Variants in KCND3 observed in about 807,000 individuals in gnomAD.
KCND3 encodes the protein potassium voltage-gated channel subfamily D member 3.
A neutral mutation model predicts 51.1 loss-of-function variants in KCND3; 9 were observed. The ratio of observed to expected loss-of-function variants is 0.18; its 90% CI spans 0.11 to 0.31. The LOEUF (loss-of-function observed/expected upper bound fraction) is 0.31, where lower values mean the gene tolerates loss of function less well. Among genes scored for constraint, KCND3 ranks in the 10% least tolerant of loss-of-function variants. The pLI is 1.00. For synonymous variants in KCND3, 349 were observed against 368.0 expected (o/e 0.95, Z 0.59); for missense variants, 526 against 903.8 (o/e 0.58, Z 5.36).
chr1:111,892,259 G>T (rs1476627234), intron 2 of KCND3, among the ~76,000 whole-genome samples: 1 of 152,196 alleles, frequency 6.6e-6, no homozygotes, highest in East Asian at 1.9e-4. Context: ...TGTGCATGAA[G>T]CCTGCCTGGT....
At chr1:111,850,327 C>T (rs900243837) in intron 2 of KCND3, among the ~76,000 whole-genome samples, 3 of 152,160 alleles carry the variant, frequency 2.0e-5, no homozygotes, top group Admixed American at 6.5e-5. Context: ...AACAACCCGA[C>T]TGACAGCACC....
At chr1:111,781,234 AT>A (rs1664369339) in intron 3 of KCND3, among the ~76,000 whole-genome samples, 1 of 152,210 alleles carries the variant, frequency 6.6e-6, no homozygotes, top group African/African-American at 2.4e-5. Context: ...GTCCCCAAGT[AT>A]TAGTTAATTA....
chr1:111,978,334 C>G (rs948676373), intron 2 of KCND3, among the ~76,000 whole-genome samples: 1 of 152,170 alleles, frequency 6.6e-6, no homozygotes, highest in African/African-American at 2.4e-5. Context: ...GAAATAGGAA[C>G]TCAGGGAAGG....
intron 2 of KCND3, among the ~76,000 whole-genome samples, chr1:111,912,557 G>A (rs989191203): frequency 6.6e-6 from 1 of 152,200 alleles, no homozygotes; most frequent in Non-Finnish European, 1.5e-5. Flanking sequence ...TCCTTCAGAA[G>A]GTATTCATGA....
At chr1:111,824,647 T>C (rs1049779301) in intron 2 of KCND3, among the ~76,000 whole-genome samples, 1 of 152,132 alleles carries the variant, frequency 6.6e-6, no homozygotes. Context: ...CTTACATTTA[T>C]CTTATTTGAG....
chr1:111,793,239 G>A (rs1404786507), intron 2 of KCND3, among the ~76,000 whole-genome samples: 1 of 149,768 alleles, frequency 6.7e-6, no homozygotes, highest in African/African-American at 2.5e-5. Context: ...GCAGTGGTGC[G>A]ATCTCGGCTC....
intron 2 of KCND3, among the ~76,000 whole-genome samples, chr1:111,914,627 G>A (rs1671109226): frequency 6.6e-6 from 1 of 152,060 alleles, no homozygotes; most frequent in Non-Finnish European, 1.5e-5. Flanking sequence ...CTTAAGTACT[G>A]AAAAGGAAAA....
intron 2 of KCND3, among the ~76,000 whole-genome samples, chr1:111,960,209 C>G (rs908340464): frequency 1.3e-5 from 2 of 152,110 alleles, no homozygotes; most frequent in African/African-American, 4.8e-5. Flanking sequence ...CACCTTGGAC[C>G]AAAGCCCTCC....
chr1:111,870,052 C>A (rs771612611), intron 2 of KCND3, among the ~76,000 whole-genome samples: 1 of 152,166 alleles, frequency 6.6e-6, no homozygotes, highest in Non-Finnish European at 1.5e-5. Flanking sequence ...TACTGGCAGA[C>A]TAATAATAGG....
At chr1:111,945,542 AC>A (rs1229000953) in intron 2 of KCND3, among the ~76,000 whole-genome samples, 4 of 152,184 alleles carry the variant, frequency 2.6e-5, no homozygotes, top group Non-Finnish European at 1.5e-5. Flanking sequence ...ACTGAGGCTC[AC>A]GGGGGAGCTT....
intron 2 of KCND3, among the ~76,000 whole-genome samples, chr1:111,905,927 C>T (rs1183219941): frequency 1.3e-5 from 2 of 152,206 alleles, no homozygotes; most frequent in Admixed American, 6.5e-5. Flanking sequence ...CTGTATTTTA[C>T]AGATGAGGAC....
At chr1:111,806,518 G>A (rs1209106328) in intron 2 of KCND3, among the ~76,000 whole-genome samples, 1 of 152,058 alleles carries the variant, frequency 6.6e-6, no homozygotes, top group Non-Finnish European at 1.5e-5. Context: ...TCTGTAAATG[G>A]GAATATTTAT....
chr1:111,830,030 C>A (rs1225860007), intron 2 of KCND3, among the ~76,000 whole-genome samples: 2 of 152,164 alleles, frequency 1.3e-5, no homozygotes, highest in African/African-American at 4.8e-5. Context: ...ACTCTTCTCC[C>A]CTCCATCTAA....
chr1:111,878,329 A>G (rs1351689127), intron 2 of KCND3, among the ~76,000 whole-genome samples: 1 of 152,214 alleles, frequency 6.6e-6, no homozygotes, highest in Non-Finnish European at 1.5e-5. Context: ...TATGCCTAAT[A>G]AGACACGGGC....
At chr1:111,960,817 A>G (rs1054338210) in intron 2 of KCND3, among the ~76,000 whole-genome samples, 1 of 152,224 alleles carries the variant, frequency 6.6e-6, no homozygotes, top group African/African-American at 2.4e-5. Flanking sequence ...AGCTGTTTCC[A>G]GAGTGCTTCC....
intron 2 of KCND3, among the ~76,000 whole-genome samples, chr1:111,873,991 C>A (rs563477749): frequency 6.6e-6 from 1 of 152,218 alleles, no homozygotes; most frequent in African/African-American, 2.4e-5. Context: ...GGATTACACA[C>A]TGGGCGAGTC....
chr1:111,784,204 C>G (rs1664513739), intron 3 of KCND3, among the ~76,000 whole-genome samples: 1 of 151,644 alleles, frequency 6.6e-6, no homozygotes, highest in South Asian at 2.1e-4. Flanking sequence ...ATGTCCATAT[C>G]CTGGTGGTGA....
chr1:111,918,587 G>C (rs996282975), intron 2 of KCND3, among the ~76,000 whole-genome samples: 1 of 152,152 alleles, frequency 6.6e-6, no homozygotes, highest in African/African-American at 2.4e-5. Flanking sequence ...ATGGTGCTTT[G>C]GGGGCACAGA....
intron 2 of KCND3, among the ~76,000 whole-genome samples, chr1:111,965,438 C>CACACACACACA (rs1673915208): frequency 1.4e-5 from 1 of 72,420 alleles, no homozygotes; most frequent in African/African-American, 4.9e-5. Context: ...GCCAGCAAAA[C>CACACACACACA]CACACACACA....
Sources: gnomAD v4.1 joint callset for allele counts (sites outside exome capture counted in the v4.1 genomes callset) on GRCh38, gnomAD v4.1.1 for gene constraint, MANE v1.5 for transcripts, NCBI Gene and HGNC (gene_info 2026-07-23, HGNC 2026-07-21) for gene names.